The following LRP1B variants were observed in gnomAD, a reference collection of about 807,000 sequenced individuals.
LRP1B encodes the protein low-density lipoprotein receptor-related protein 1B.
A neutral mutation model predicts 556.6 loss-of-function variants in LRP1B; 217 were observed. The ratio of observed to expected loss-of-function variants is 0.39; its 90% CI spans 0.35 to 0.44. The LOEUF (loss-of-function observed/expected upper bound fraction) is 0.44. Among genes scored for constraint, LRP1B ranks in the 20% least tolerant of loss-of-function variants. LRP1B has a pLI of 1.00. For synonymous variants in LRP1B, 2,047 were observed against 1,865.8 expected, an observed-to-expected ratio of 1.10 and a Z score of -2.50; for missense variants, 5,053 against 5,620.8, an observed-to-expected ratio of 0.90 and a Z score of 3.23.
intron 11 of LRP1B, 96 bp downstream of exon 11, chr2:141,048,890 A>T: frequency 3.3e-6 from 3 of 903,094 alleles, no homozygotes; most frequent in South Asian, 2.8e-5. Flanking sequence ...GAAGAACTTG[A>T]GTTCTGGTTA....
intron 79 of LRP1B, among the ~76,000 whole-genome samples, chr2:140,331,863 T>C (rs1158920950): frequency 2.8e-4 from 42 of 151,706 alleles, no homozygotes; most frequent in Admixed American, 2.7e-3. Context: ...GCCTGGCTTA[T>C]TTTTTGTATT....
At chr2:141,641,313 G>T (rs1689324002) in intron 2 of LRP1B, among the ~76,000 whole-genome samples, 1 of 151,798 alleles carries the variant, frequency 6.6e-6, no homozygotes, top group Non-Finnish European at 1.5e-5. Context: ...CAAACATCAG[G>T]CATTAGACCA....
At chr2:140,552,652 A>G (rs1484250832) in intron 43 of LRP1B, among the ~76,000 whole-genome samples, 1 of 152,186 alleles carries the variant, frequency 6.6e-6, no homozygotes, top group African/African-American at 2.4e-5. Context: ...GTCTTTATGT[A>G]GAGCGCAGAA....
intron 18 of LRP1B, among the ~76,000 whole-genome samples, chr2:140,958,724 T>C (rs1193365925): frequency 6.6e-6 from 1 of 151,598 alleles, no homozygotes; most frequent in Non-Finnish European, 1.5e-5. Flanking sequence ...ATAAACACCG[T>C]AGTGAAACAT....
chr2:140,601,664 A>T lies in LRP1B; in HGVS notation c.6800-25T>A, dbSNP rs201150678. 7,301 of 1,514,686 alleles carry T rather than the reference A, an allele frequency of 4.8e-3. 21 individuals carry two copies. The highest frequency in any genetic ancestry group is 5.8e-3 in the Non-Finnish European group (6,439 of 1,117,628). The allele number at this position is 1,514,686 out of a possible 1,614,324, so 93.8% of individuals were successfully genotyped here. ...TCTAGTGGGGGAAGAAAAAGAAAAA[A>T]TATATACTTTTATTTACAAAAAAAT... On this transcript the variant is annotated intron_variant, in intron 41 of 90. Coordinates refer to ENST00000389484, the MANE Select transcript of LRP1B (RefSeq NM_018557.3).
intron 1 of LRP1B, among the ~76,000 whole-genome samples, chr2:141,845,886 A>G (rs924169053): frequency 6.6e-6 from 1 of 151,728 alleles, no homozygotes; most frequent in Non-Finnish European, 1.5e-5. Flanking sequence ...GATATAAAAT[A>G]TCATGACAAA....
intron 1 of LRP1B, among the ~76,000 whole-genome samples, chr2:141,840,302 C>T (rs1212940779): frequency 8.6e-6 from 1 of 116,776 alleles, no homozygotes; most frequent in Non-Finnish European, 1.6e-5. Context: ...CTCGCTCTGT[C>T]GCCCACGCTG....
Position 140,763,945 on chromosome 2 carries a change from A to G in LRP1B, c.5758+5268T>C, listed in dbSNP as rs550289615. On this transcript the variant is annotated intron_variant, in intron 35 of 90. Coordinates refer to ENST00000389484, the MANE Select transcript of LRP1B (RefSeq NM_018557.3). ...TTAGTTTCACTGTCACAAGAACAAG[A>G]AGAAATTGAAGCAGCTCTAAAATTC... Among the ~76,000 whole-genome samples the G allele has an allele frequency of 2.6e-5, 4 of 152,282 alleles. No individual in the cohort carries two copies. The East Asian group carries it at 7.7e-4, about 29-fold the overall frequency.
intron 18 of LRP1B, among the ~76,000 whole-genome samples, chr2:140,975,541 T>G (rs1696569790): frequency 6.6e-6 from 1 of 151,966 alleles, no homozygotes; most frequent in South Asian, 2.1e-4. Context: ...TGGCCAGCAA[T>G]GAGGGAGGAG....
chr2:140,860,355 G>C (rs1390337108), intron 27 of LRP1B, among the ~76,000 whole-genome samples: 1 of 151,942 alleles, frequency 6.6e-6, no homozygotes, highest in Admixed American at 6.6e-5. Context: ...TCTTTTTCTG[G>C]GTTTTGATTC....
chr2:140,783,387 T>C (rs1208833881), intron 32 of LRP1B, among the ~76,000 whole-genome samples: 2 of 152,086 alleles, frequency 1.3e-5, no homozygotes. Flanking sequence ...AAAAGTCTTG[T>C]TATTTATTTG....
At chr2:141,689,957 C>T (rs1433301162) in intron 2 of LRP1B, among the ~76,000 whole-genome samples, 1 of 151,670 alleles carries the variant, frequency 6.6e-6, no homozygotes, top group Non-Finnish European at 1.5e-5. Flanking sequence ...ATATTAAAAG[C>T]ATTATCTACT....
At chr2:141,831,377 C>A (rs1697106730) in intron 1 of LRP1B, among the ~76,000 whole-genome samples, 1 of 151,572 alleles carries the variant, frequency 6.6e-6, no homozygotes. Context: ...TATACCAAAT[C>A]TATGTTATGT....
chr2:141,024,780 G>C (rs1698171228), intron 11 of LRP1B, among the ~76,000 whole-genome samples: 1 of 151,978 alleles, frequency 6.6e-6, no homozygotes, highest in Admixed American at 6.6e-5. Flanking sequence ...CAGCAGATTG[G>C]TGTCAGTTCC....
intron 7 of LRP1B, among the ~76,000 whole-genome samples, chr2:141,071,854 A>G (rs1215149184): frequency 6.6e-6 from 1 of 152,206 alleles, no homozygotes; most frequent in Non-Finnish European, 1.5e-5. Context: ...GAAATAAAAG[A>G]GTATACAAAC....
intron 3 of LRP1B, among the ~76,000 whole-genome samples, chr2:141,393,240 C>T (rs1690119479): frequency 6.6e-6 from 1 of 152,208 alleles, no homozygotes; most frequent in African/African-American, 2.4e-5. Flanking sequence ...CACACACACA[C>T]AAACACACAA....
chr2:141,520,580 T>G (rs1684491910), intron 2 of LRP1B, among the ~76,000 whole-genome samples: 1 of 152,144 alleles, frequency 6.6e-6, no homozygotes, highest in African/African-American at 2.4e-5. Flanking sequence ...GGCTATTCCC[T>G]TTCTGATCTC....
chr2:141,942,170 A>G (rs1387685655), intron 1 of LRP1B, among the ~76,000 whole-genome samples: 1 of 152,034 alleles, frequency 6.6e-6, no homozygotes, highest in Non-Finnish European at 1.5e-5. Flanking sequence ...TTTGATGAGC[A>G]TTGTTCTCTC....
At chr2:140,862,326 AT>A (rs1479977347) in intron 27 of LRP1B, among the ~76,000 whole-genome samples, 1 of 152,342 alleles carries the variant, frequency 6.6e-6, no homozygotes, top group South Asian at 2.1e-4. Context: ...TGAAATTCAA[AT>A]TTCAGTGTCC....
Sources: allele counts gnomAD v4.1 joint callset (sites outside exome capture counted in the v4.1 genomes callset), GRCh38; gene constraint gnomAD v4.1.1; transcripts MANE v1.5; gene names NCBI Gene and HGNC (gene_info 2026-07-23, HGNC 2026-07-21).